TANC1: variants seen among roughly 807,000 people sequenced by gnomAD.
TANC1 encodes protein TANC1.
In TANC1, 77 loss-of-function variants were observed where a neutral mutation model predicts 149.7. The ratio of observed to expected loss-of-function variants is 0.51; its 90% CI spans 0.43 to 0.62. The LOEUF is 0.62. Among genes scored for constraint, TANC1 ranks in the 20% least tolerant of loss-of-function variants. The probability of loss-of-function intolerance (pLI) is 0.00; values close to 1 mark genes in which losing one functional copy is unlikely to be tolerated. For missense variants in TANC1, 1,985 were observed against 2,321.8 expected (o/e 0.85, Z 2.98); for synonymous variants, 854 against 925.0 (o/e 0.92, Z 1.39).
intron 3 of TANC1, among the ~76,000 whole-genome samples, chr2:159,077,833 G>A (rs2043853993): frequency 6.6e-6 from 1 of 152,092 alleles, no homozygotes; most frequent in Non-Finnish European, 1.5e-5. Flanking sequence ...AAATTCTGTT[G>A]GGTAACAGGT....
intron 3 of TANC1, among the ~76,000 whole-genome samples, chr2:159,084,142 C>G (rs895337713): frequency 1.3e-5 from 2 of 151,738 alleles, no homozygotes; most frequent in East Asian, 1.9e-4. Context: ...CCCAGCTACT[C>G]AGAAGGCTGA....
intron 2 of TANC1, chr2:159,004,187 G>A (rs2149340938): frequency 6.2e-7 from 1 of 1,612,620 alleles, no homozygotes; most frequent in South Asian, 1.1e-5. Flanking sequence ...CAAGCCTTAG[G>A]AAGTTAGCTG....
chr2:159,033,174 G>A (rs1264255460), intron 2 of TANC1, among the ~76,000 whole-genome samples: 2 of 152,236 alleles, frequency 1.3e-5, no homozygotes, highest in East Asian at 1.9e-4. Flanking sequence ...TGAAACTCCC[G>A]ATTAAAAGCA....
intron 3 of TANC1, among the ~76,000 whole-genome samples, chr2:159,091,044 TC>T (rs200797481): frequency 3.8e-4 from 57 of 151,946 alleles, no homozygotes; most frequent in African/African-American, 8.2e-4. Flanking sequence ...GTTTTTTTTT[TC>T]TTCCCCTCTG....
chr2:159,198,627 T>C (rs2058033431), intron 18 of TANC1, among the ~76,000 whole-genome samples: 1 of 152,266 alleles, frequency 6.6e-6, no homozygotes, highest in African/African-American at 2.4e-5. Context: ...AAAAACTGAT[T>C]CACTATCTTG....
chr2:159,119,006 TATTTTCTGG>T (rs1397816544), intron 4 of TANC1, among the ~76,000 whole-genome samples: 1 of 152,218 alleles, frequency 6.6e-6, no homozygotes, highest in Non-Finnish European at 1.5e-5. Context: ...GTTAATCATG[TATTTTCTGG>T]TAAGCCTTTT....
chr2:158,988,063 G>A (rs1397161226), intron 1 of TANC1, among the ~76,000 whole-genome samples: 1 of 151,970 alleles, frequency 6.6e-6, no homozygotes, highest in East Asian at 1.9e-4. Flanking sequence ...TGGCTCACAA[G>A]TGTAATCCCA....
chr2:159,046,515 T>G (rs1397766974), intron 2 of TANC1, among the ~76,000 whole-genome samples: 1 of 152,026 alleles, frequency 6.6e-6, no homozygotes, highest in Non-Finnish European at 1.5e-5. Context: ...TCCTGTAGTA[T>G]TTGATTCTGC....
At chr2:159,198,037 C>A (rs1335856942) in intron 18 of TANC1, among the ~76,000 whole-genome samples, 1 of 152,096 alleles carries the variant, frequency 6.6e-6, no homozygotes, top group East Asian at 1.9e-4. Flanking sequence ...ATTCTTGAAG[C>A]CACCTGTATT....
rs182142481 is a variant in TANC1 at position 159,164,283 on chromosome 2, T to G, written c.946+737T>G. On this transcript the variant is annotated intron_variant, in intron 8 of 26. Transcript: ENST00000263635. Reference sequence around the variant, plus strand: ...AAGGAAAAAAATCGATAAAAAATAATAAGAATTTAAAAATACAGTCTCACA... The same window carrying G: ...AAGGAAAAAAATCGATAAAAAATAAGAAGAATTTAAAAATACAGTCTCACA... 3.7e-4 allele frequency among the ~76,000 whole-genome samples: 56 copies of G among 152,274 alleles called. 1 individual carries two copies. The highest frequency in any genetic ancestry group is 8.5e-4 in the Admixed American group (13 of 15,298).
chr2:159,189,374 A>C (rs745551592), intron 16 of TANC1, among the ~76,000 whole-genome samples: 2 of 152,204 alleles, frequency 1.3e-5, no homozygotes, highest in African/African-American at 4.8e-5. Flanking sequence ...CAGGCTGGGC[A>C]TGCAGGGTGA....
At chr2:159,190,778 C>T (rs1393150235) in intron 16 of TANC1, among the ~76,000 whole-genome samples, 1 of 152,250 alleles carries the variant, frequency 6.6e-6, no homozygotes, top group Admixed American at 6.5e-5. Context: ...TCTCAAACTC[C>T]TGACCTCAGG....
chr2:159,135,991 G>A (rs560687571), intron 4 of TANC1, among the ~76,000 whole-genome samples: 1 of 137,282 alleles, frequency 7.3e-6, no homozygotes, highest in East Asian at 2.0e-4. Context: ...TCCCTCGTCT[G>A]TACTGAAATT....
chr2:159,188,402 A>G (rs1007358506), intron 16 of TANC1, among the ~76,000 whole-genome samples: 1 of 152,190 alleles, frequency 6.6e-6, no homozygotes, highest in East Asian at 1.9e-4. Context: ...GTCTCTAACC[A>G]TGTTGTCTCC....
intron 2 of TANC1, among the ~76,000 whole-genome samples, chr2:159,059,544 G>A (rs1415634296): frequency 2.0e-5 from 3 of 151,682 alleles, no homozygotes; most frequent in African/African-American, 7.3e-5. Context: ...AAGAACCAAA[G>A]GCCAATTCTT....
chr2:159,196,467 T>C (rs1045630259), intron 17 of TANC1, 141 bp from the exon 18 acceptor site: 24 of 643,296 alleles, frequency 3.7e-5, no homozygotes, highest in Admixed American at 6.9e-5. Flanking sequence ...TAAGGTTCCA[T>C]GTTCTCCAGA....
Position 159,020,481 on chromosome 2 carries a change from G to T in TANC1, c.-16+19292G>T, listed in dbSNP as rs143050458. On this transcript the variant is annotated intron_variant, in intron 2 of 26. Transcript: ENST00000263635. ...TTCCTTCAGAAAAAGTCCCACCAAA[G>T]AAATTTAAATATATGCTGTGTGTAA... is the stretch of plus-strand genomic sequence containing the variant. Among the ~76,000 whole-genome samples, 255 of 152,136 alleles carry T rather than the reference G, an allele frequency of 1.7e-3. 1 individual carries two copies. The highest frequency in any genetic ancestry group is 5.8e-3 in the African/African-American group (242 of 41,498).
chr2:159,020,047 T>C (rs760652167), intron 2 of TANC1, among the ~76,000 whole-genome samples: 12 of 152,356 alleles, frequency 7.9e-5, no homozygotes, highest in Admixed American at 2.6e-4. Flanking sequence ...TCTTTTCATG[T>C]AGAACTTCGT....
chr2:159,199,346 T>C (rs1010578511), intron 19 of TANC1, among the ~76,000 whole-genome samples: 3 of 152,262 alleles, frequency 2.0e-5, no homozygotes, highest in Admixed American at 2.0e-4. Flanking sequence ...TGTTGTTTTC[T>C]GATTTGCCAA....
Sources: allele counts gnomAD v4.1 joint callset (sites outside exome capture counted in the v4.1 genomes callset), GRCh38; gene constraint gnomAD v4.1.1; transcripts MANE v1.5; gene names NCBI Gene and HGNC (gene_info 2026-07-23, HGNC 2026-07-21).